KLB: variants seen among roughly 807,000 people sequenced by gnomAD.
KLB encodes klotho beta.
A neutral mutation model predicts 88.4 loss-of-function variants in KLB; 44 were observed. The ratio of observed to expected loss-of-function variants is 0.50; its 90% confidence interval spans 0.39 to 0.64. The LOEUF is 0.64. Among genes scored for constraint, KLB ranks in the 30% least tolerant of loss-of-function variants. The pLI is 0.00. For missense variants in KLB, 1,137 were observed against 1,304.8 expected, an observed-to-expected ratio of 0.87 and a Z score of 1.98; for synonymous variants, 548 against 513.4, an observed-to-expected ratio of 1.07 and a Z score of -0.91.
intron 1 of KLB, among the ~76,000 whole-genome samples, chr4:39,418,686 C>G (rs1017754662): frequency 4.6e-5 from 7 of 151,356 alleles, no homozygotes; most frequent in African/African-American, 1.7e-4. Context: ...AGTGACTCAC[C>G]TCTGTAATCC....
At chr4:39,429,091 G>C (rs1481772450) in intron 1 of KLB, among the ~76,000 whole-genome samples, 3 of 152,192 alleles carry the variant, frequency 2.0e-5, no homozygotes, top group Admixed American at 2.0e-4. Context: ...TATGCTTGTG[G>C]AGTTTTTAAA....
chr4:39,446,537 C>T lies in KLB; in HGVS notation c.1811C>T (p.Ala604Val). The change falls in exon 4 of 5, where the codon GCC becomes GTC. Residue 604 changes from alanine to valine, a missense_variant. Physicochemically the swap from Ala to Val is moderately conservative, Grantham distance 64. Around this residue, in one of 4 missense-constraint regions of KLB, gnomAD observed 597 missense variants for 765.2 expected, o/e 0.78. Transcript: ENST00000257408. The surrounding 1 kb of genome is among the most constrained non-coding windows in gnomAD (Gnocchi z 6.4). The stretch of plus-strand genomic sequence containing the variant: ...CACTACCGGTTTGCTCTGGATTGGG[C>T]CTCGGTCCTTCCCACTGGCAACCTG... ...VTHYRFALDW[A>V]SVLPTGNLSA... is the part of the protein sequence containing the mutation. 6.2e-7 allele frequency: 1 copy of T among 1,614,216 alleles called. No individual in the cohort carries two copies. Among genetic ancestry groups the T allele is most frequent in the Non-Finnish European group, 8.5e-7 (1 of 1,180,024 alleles).
At position 39,446,856 on chromosome 4, in the gene KLB, G is replaced by T. The variant is rs751608779; in HGVS notation, c.2130G>T (p.Gly710=). ...ACCGCTCTGGCAACGACACCTACGG[G>T]GCGGCGCACAACCTGCTGGTGGCCC... ...IYNRSGNDTY[G]AAHNLLVAHA... The change falls in exon 4 of 5, where the codon GGG becomes GGT. Residue 710 remains glycine, a synonymous_variant. Coordinates refer to ENST00000257408, the MANE Select transcript of KLB (RefSeq NM_175737.4). This position sits in a 1 kb window ranked among gnomAD's most constrained non-coding sequence, Gnocchi z 6.4. 1 of 1,611,282 alleles carries T rather than the reference G, an allele frequency of 6.2e-7. No homozygotes were observed.
chr4:39,447,195 C>T lies in KLB; in HGVS notation c.2469C>T (p.Leu823=). Residue 823 remains leucine, a synonymous_variant, in exon 4 of 5, where the codon CTC becomes CTT. Coordinates refer to ENST00000257408, the MANE Select transcript of KLB (RefSeq NM_175737.4). The part of the protein sequence containing the change: ...LLKGTVDFCA[L]NHFTTRFVMH... The stretch of plus-strand genomic sequence containing the variant: ...AGGGCACGGTCGACTTCTGCGCGCT[C>T]AACCACTTCACCACTAGGTTCGTGA... 2.5e-6 allele frequency: 4 copies of T among 1,614,020 alleles called. No individual in the cohort carries two copies. The South Asian group carries it at 4.4e-5, about 18-fold the overall frequency.
chr4:39,438,477 CT>C (rs1447102573), intron 3 of KLB, among the ~76,000 whole-genome samples: 1 of 152,066 alleles, frequency 6.6e-6, no homozygotes, highest in Non-Finnish European at 1.5e-5. Flanking sequence ...TTAAGCTGTC[CT>C]CAAAAGTCAC....
intron 1 of KLB, among the ~76,000 whole-genome samples, chr4:39,418,154 C>T (rs1011601602): frequency 1.3e-5 from 2 of 152,180 alleles, no homozygotes; most frequent in African/African-American, 4.8e-5. Context: ...TTGGGTTTTT[C>T]ATTTGTCCTC....
intron 1 of KLB, among the ~76,000 whole-genome samples, chr4:39,408,777 T>C (rs1560642663): frequency 1.3e-5 from 2 of 152,102 alleles, no homozygotes; most frequent in Non-Finnish European, 1.5e-5. Flanking sequence ...TTGAGGCTAA[T>C]ATCTAGAATC....
Position 39,448,934 on chromosome 4 carries a change from T to C in KLB, c.*248T>C. ...TAAGCTATGAGGATTACATGCTACA[T>C]TGCTTCTTAAAGTTTCATCAACTGT... On this transcript the variant is annotated 3_prime_UTR_variant, in exon 5 of 5. Coordinates refer to ENST00000257408, the MANE Select transcript of KLB (RefSeq NM_175737.4). 1 of 414,992 alleles carries C rather than the reference T, an allele frequency of 2.4e-6. No homozygotes were observed. The highest frequency in any genetic ancestry group is 5.0e-5 in the South Asian group (1 of 20,094). 25.7% of individuals were successfully genotyped at this position (414,992 alleles called of 1,614,324 possible).
intron 4 of KLB, 125 bp from the exon 5 acceptor site, chr4:39,448,176 C>A: frequency 1.5e-6 from 1 of 648,090 alleles, no homozygotes; most frequent in Non-Finnish European, 2.6e-6. Context: ...AAAAAAAACC[C>A]TCTAATAAAA....
intron 3 of KLB, among the ~76,000 whole-genome samples, chr4:39,445,673 CTTGT>C (rs1743724299): frequency 8.3e-6 from 1 of 121,174 alleles, no homozygotes; most frequent in Admixed American, 9.9e-5. Context: ...CCTGGCTAAT[CTTGT>C]TTTTTTGTTT....
intron 4 of KLB, among the ~76,000 whole-genome samples, chr4:39,447,937 G>A (rs1039964338): frequency 6.6e-6 from 1 of 152,200 alleles, no homozygotes; most frequent in African/African-American, 2.4e-5. Flanking sequence ...TTCCTGGGCT[G>A]CACCAAGAGC....
In KLB at chr4:39,446,684, A is replaced by C. The variant is rs1271643283; in HGVS notation, c.1958A>C (p.Glu653Ala). 2.5e-6 allele frequency: 4 copies of C among 1,611,480 alleles called. No homozygotes were observed. In the East Asian group the frequency reaches 8.9e-5, roughly 36 times the overall value. The change falls in exon 4 of 5, where the codon GAG becomes GCG. Residue 653 changes from glutamate (E) to alanine (A), a missense_variant. By Grantham distance (107) the Glu-to-Ala change is moderately radical. Coordinates refer to ENST00000257408, the MANE Select transcript of KLB (RefSeq NM_175737.4). The surrounding 1 kb of genome is among the most constrained non-coding windows in gnomAD (Gnocchi z 6.4). ...ACCCACGCCCACCTAGGCCTCCCCG[A>C]GCCTCTGTTGCATGCCGACGGGTGG... ...YPTHAHLGLP[E>A]PLLHADGWLN...
rs1361707545 is a variant in KLB at position 39,451,230 on chromosome 4, T to C, written c.*2544T>C. The stretch of plus-strand genomic sequence containing the variant: ...TAGGTTAAGCATTTAATCTGGCTCA[T>C]GCTCTATCATACTAAATATTCAGGT... On this transcript the variant is annotated 3_prime_UTR_variant, in exon 5 of 5. Coordinates refer to ENST00000257408, the MANE Select transcript of KLB (RefSeq NM_175737.4). The C allele has an allele frequency of 2.0e-5, 3 of 152,254 alleles. No individual in the cohort carries two copies. The highest frequency in any genetic ancestry group is 4.8e-5 in the African/African-American group (2 of 41,470). The allele number at this position is 152,254 out of a possible 1,614,324, so 9.4% of individuals were successfully genotyped here.
chr4:39,425,299 A>G (rs759825781), intron 1 of KLB, among the ~76,000 whole-genome samples: 1 of 152,256 alleles, frequency 6.6e-6, no homozygotes, highest in Non-Finnish European at 1.5e-5. Context: ...CTAATTTAGT[A>G]ATATTATCAT....
intron 3 of KLB, among the ~76,000 whole-genome samples, chr4:39,442,944 T>G (rs1306623841): frequency 6.6e-6 from 1 of 152,162 alleles, no homozygotes; most frequent in African/African-American, 2.4e-5. Context: ...AATCTTTGAT[T>G]AAGAATGCAA....
At chr4:39,439,039 G>A (rs937112287) in intron 3 of KLB, among the ~76,000 whole-genome samples, 15 of 133,954 alleles carry the variant, frequency 1.1e-4, no homozygotes, top group Non-Finnish European at 2.0e-4. Context: ...ATCTTGCTCT[G>A]TCACCCAGAC....
In KLB at chr4:39,420,904, T is replaced by C. The variant is rs573176318; in HGVS notation, c.825+13130T>C. The stretch of plus-strand genomic sequence containing the variant: ...ACATTGTTAAAAATAAAGGTTCTCT[T>C]CTTTCCTTACTCCCTAACCACACAC... On this transcript the variant is annotated intron_variant, in intron 1 of 4. Coordinates refer to ENST00000257408, the MANE Select transcript of KLB (RefSeq NM_175737.4). Among the ~76,000 whole-genome samples, 10 of 152,304 alleles carry C rather than the reference T, an allele frequency of 6.6e-5. No homozygotes were observed. The South Asian group carries it at 2.1e-3, about 32-fold the overall frequency.
chr4:39,437,623 G>A (rs1039295512), intron 2 of KLB, 104 bp from the exon 3 acceptor site: 5 of 1,320,368 alleles, frequency 3.8e-6, no homozygotes, highest in Non-Finnish European at 5.2e-6. Flanking sequence ...TTAGGGCAAA[G>A]GTTCGTTTTA....
chr4:39,410,993 AG>A lies in KLB; in HGVS notation c.825+3221del, dbSNP rs576087804. The stretch of plus-strand genomic sequence containing the variant: ...GTACCTTAATGCGGGTCTAAGACTC[AG>A]GTAAAAATTTTCCATAATCACACCT... On this transcript the variant is annotated intron_variant, in intron 1 of 4. Transcript: ENST00000257408. Among the ~76,000 whole-genome samples the A allele has an allele frequency of 1.3e-3, 203 of 152,328 alleles. 1 individual carries two copies. The highest frequency in any genetic ancestry group is 9.9e-3 in the Admixed American group (151 of 15,298).
Sources: allele counts gnomAD v4.1 joint callset (sites outside exome capture counted in the v4.1 genomes callset), GRCh38; gene constraint gnomAD v4.1.1; regional missense constraint gnomAD v4.1.1; non-coding constraint Gnocchi (gnomAD v3.1); transcripts MANE v1.5; gene names NCBI Gene and HGNC (gene_info 2026-07-23, HGNC 2026-07-21).